Variants in SEMA3F observed in about 807,000 individuals in gnomAD.
SEMA3F encodes semaphorin-3F.
SEMA3F carries 30 observed loss-of-function variants against 98.5 expected under a neutral mutation model. The observed-to-expected ratio is 0.30, with a 90% confidence interval of 0.23 to 0.41. The LOEUF (loss-of-function observed/expected upper bound fraction) is 0.41. SEMA3F is among the 10% of genes least tolerant of loss of function. The pLI is 1.00. For synonymous variants in SEMA3F, 380 were observed against 444.8 expected (o/e 0.85, Z 1.83); for missense variants, 866 against 1,119.3 (o/e 0.77, Z 3.23).
chr3:50,182,413 GC>G lies in SEMA3F; in HGVS notation c.763+14del. 1 of 1,613,170 alleles carries G rather than the reference GC, an allele frequency of 6.2e-7. No homozygotes were observed. Among genetic ancestry groups the G allele is most frequent in the Non-Finnish European group, 8.5e-7 (1 of 1,180,008 alleles). ...TCCCGGTGGCTGAACGGTAAGCGCA[GC>G]CCCAGGAGCCCTTCCGTGGCCATGT... On this transcript the variant is annotated intron_variant, in intron 8 of 18. Transcript: ENST00000002829. This position sits in a 1 kb window ranked among gnomAD's most constrained non-coding sequence, Gnocchi z 4.5.
In SEMA3F at chr3:50,176,796, G is replaced by A. The variant is rs767383718; in HGVS notation, c.578G>A (p.Arg193Gln). The A allele has an allele frequency of 9.9e-6, 16 of 1,613,438 alleles. No individual in the cohort carries two copies. The highest frequency in any genetic ancestry group is 6.7e-5 in the East Asian group (3 of 44,902). Residue 193 changes from arginine (R) to glutamine (Q), a missense_variant, in exon 7 of 19, where the codon CGA becomes CAA. Arg to Gln is a conservative substitution (Grantham distance 43, BLOSUM62 1). Coordinates refer to ENST00000002829, the MANE Select transcript of SEMA3F (RefSeq NM_004186.5). The stretch of plus-strand genomic sequence containing the variant: ...TACATCTTCTACCTGGAGCCTGAGC[G>A]ACTCGAGTCAGGGAAGGGCAAGTGT... ...QDYIFYLEPERLESGKGKCPY... is the reference protein window; with the variant it reads ...QDYIFYLEPEQLESGKGKCPY...
At chr3:50,160,674 G>T (rs1320806748) in intron 2 of SEMA3F, among the ~76,000 whole-genome samples, 2 of 152,204 alleles carry the variant, frequency 1.3e-5, no homozygotes, top group Non-Finnish European at 2.9e-5. Flanking sequence ...CCTGGGTGGG[G>T]TCGACTCAGC....
In SEMA3F at chr3:50,158,344, G is replaced by A. The variant is rs1397238104; in HGVS notation, c.-48-1231G>A. On this transcript the variant is annotated intron_variant, in intron 1 of 18. Transcript: ENST00000002829. The surrounding 1 kb of genome is among the most constrained non-coding windows in gnomAD (Gnocchi z 4.8). ...GTACCGCGTAAGGAGTGGGCCAAGA[G>A]GCTGAAGCTGCACTTCCTGTCTGAG... is the stretch of plus-strand genomic sequence containing the variant. 6.6e-6 allele frequency among the ~76,000 whole-genome samples: 1 copy of A among 152,258 alleles called. No individual in the cohort carries two copies. Among genetic ancestry groups the A allele is most frequent in the African/African-American group, 2.4e-5 (1 of 41,468 alleles).
chr3:50,173,602 A>G (rs1293092114), intron 2 of SEMA3F, among the ~76,000 whole-genome samples, 191 bp from the exon 3 acceptor site: 1 of 152,154 alleles, frequency 6.6e-6, no homozygotes, highest in African/African-American at 2.4e-5. Context: ...CAATCTCGCT[A>G]CTGTACTGCA....
At chr3:50,165,832 G>T (rs755341718) in intron 2 of SEMA3F, among the ~76,000 whole-genome samples, 15 of 152,206 alleles carry the variant, frequency 9.9e-5, no homozygotes, top group Non-Finnish European at 1.9e-4. Context: ...GGCCTCCTGG[G>T]CTCCAGTCCC....
Position 50,158,025 on chromosome 3 carries a change from C to T in SEMA3F, c.-48-1550C>T, listed in dbSNP as rs1323739062. 4.6e-5 allele frequency among the ~76,000 whole-genome samples: 7 copies of T among 152,218 alleles called. No individual in the cohort carries two copies. The highest frequency in any genetic ancestry group is 3.9e-4 in the Admixed American group (6 of 15,284). On this transcript the variant is annotated intron_variant, in intron 1 of 18. Transcript: ENST00000002829. This position sits in a 1 kb window ranked among gnomAD's most constrained non-coding sequence, Gnocchi z 4.8. ...TTGAGCAAACTCATGCTTGTAAGGA[C>T]GTGTGTGGGCCTGCAAGTGTGAACG...
chr3:50,183,671 G>A lies in SEMA3F; in HGVS notation c.1233+107G>A, dbSNP rs138568786. 901 of 1,252,936 alleles carry A rather than the reference G, an allele frequency of 7.2e-4. 11 individuals carry two copies. In the Middle Eastern group the frequency reaches 0.012, roughly 16 times the overall value. 77.6% of individuals were successfully genotyped at this position (1,252,936 alleles called of 1,614,324 possible). On this transcript the variant is annotated intron_variant, in intron 12 of 18. Coordinates refer to ENST00000002829, the MANE Select transcript of SEMA3F (RefSeq NM_004186.5). ...CACCATCATGGCCCTCCCAGCCAGC[G>A]GAGGCGGTGAGCTGTAATGCACACA... is the stretch of plus-strand genomic sequence containing the variant.
chr3:50,176,968 G>C, intron 7 of SEMA3F, 107 bp downstream of exon 7: 7 of 917,848 alleles, frequency 7.6e-6, no homozygotes, highest in Non-Finnish European at 1.2e-5. Context: ...TGACTAGGCT[G>C]TCCCTGAACT....
At chr3:50,181,084 A>G (rs2109107451) in intron 7 of SEMA3F, among the ~76,000 whole-genome samples, 1 of 152,032 alleles carries the variant, frequency 6.6e-6, no homozygotes, top group East Asian at 1.9e-4. Flanking sequence ...AAAAAAAAGA[A>G]GAATTACCAA....
chr3:50,174,007 A>C, intron 3 of SEMA3F, 45 bp from the exon 4 acceptor site: 1 of 1,613,880 alleles, frequency 6.2e-7, no homozygotes, highest in Non-Finnish European at 8.5e-7. Flanking sequence ...CCCAGGGCTC[A>C]GGGCATGTCC....
At chr3:50,173,999 C>T (rs1395139750) in intron 3 of SEMA3F, 46 bp downstream of exon 3, 4 of 1,613,762 alleles carry the variant, frequency 2.5e-6, no homozygotes, top group East Asian at 4.5e-5. Context: ...CACGGAGCCC[C>T]AGGGCTCAGG....
intron 10 of SEMA3F, 56 bp downstream of exon 10, chr3:50,183,074 G>A (rs773175424): frequency 5.0e-5 from 79 of 1,577,634 alleles, no homozygotes; most frequent in Non-Finnish European, 6.2e-5. Flanking sequence ...GGATAGAGGC[G>A]GGATGGGCGA....
chr3:50,165,018 C>T (rs1374101377), intron 2 of SEMA3F, among the ~76,000 whole-genome samples: 1 of 152,186 alleles, frequency 6.6e-6, no homozygotes, highest in Admixed American at 6.5e-5. Context: ...ACTGCCTCAC[C>T]CCTTCCTCCA....
chr3:50,180,188 C>G (rs951211099), intron 7 of SEMA3F, among the ~76,000 whole-genome samples: 1 of 151,754 alleles, frequency 6.6e-6, no homozygotes, highest in Non-Finnish European at 1.5e-5. Context: ...TACACTCTGT[C>G]CCCCAGGCTA....
chr3:50,156,326 A>G lies in SEMA3F; in HGVS notation c.-49+762A>G, dbSNP rs928635565. ...GGAGGGTATCAAAGTTGGCCTAGGAATGAGGCAGTGCTGGCGGGAGTTGGC... is the reference window on the plus strand; with the variant it reads ...GGAGGGTATCAAAGTTGGCCTAGGAGTGAGGCAGTGCTGGCGGGAGTTGGC... On this transcript the variant is annotated intron_variant, in intron 1 of 18. Coordinates refer to ENST00000002829, the MANE Select transcript of SEMA3F (RefSeq NM_004186.5). The surrounding 1 kb of genome is among the most constrained non-coding windows in gnomAD (Gnocchi z 4.5). Among the ~76,000 whole-genome samples the G allele has an allele frequency of 9.2e-5, 14 of 152,222 alleles. No homozygotes were observed. Among genetic ancestry groups the G allele is most frequent in the African/African-American group, 2.7e-4 (11 of 41,460 alleles).
chr3:50,183,847 T>G (rs1199520648), intron 12 of SEMA3F, among the ~76,000 whole-genome samples: 2 of 152,094 alleles, frequency 1.3e-5, no homozygotes, highest in Non-Finnish European at 2.9e-5. Flanking sequence ...GCGTCTTCCC[T>G]GCAGGTGCTG....
rs773705858 is a variant in SEMA3F at position 50,187,873 on chromosome 3, C to G, written c.2116C>G (p.Leu706Val). 1 of 1,612,936 alleles carries G rather than the reference C, an allele frequency of 6.2e-7. No individual in the cohort carries two copies. Among genetic ancestry groups the G allele is most frequent in the South Asian group, 1.1e-5 (1 of 91,050 alleles). The change falls in exon 19 of 19, where the codon CTC becomes GTC. Residue 706 changes from leucine to valine, a missense_variant. By Grantham distance (32) the Leu-to-Val change is conservative. Around this residue, in one of 3 missense-constraint regions of SEMA3F, gnomAD observed 245 missense variants for 260.5 expected, o/e 0.94. Coordinates refer to ENST00000002829, the MANE Select transcript of SEMA3F (RefSeq NM_004186.5). Reference sequence around the variant, plus strand: ...GGGCCGGGACGCCGTCCATGCTGCCCTCTTCCCACCACTGTCCATGAGCGC... The same window carrying G: ...GGGCCGGGACGCCGTCCATGCTGCCGTCTTCCCACCACTGTCCATGAGCGC... ...VLGRDAVHAALFPPLSMSAPP... is the reference protein window; with the variant it reads ...VLGRDAVHAAVFPPLSMSAPP...
chr3:50,172,219 A>T (rs1318180327), intron 2 of SEMA3F, among the ~76,000 whole-genome samples: 1 of 152,172 alleles, frequency 6.6e-6, no homozygotes, highest in African/African-American at 2.4e-5. Flanking sequence ...GTGGTAGGAC[A>T]TGTGTGCGCC....
Position 50,187,994 on chromosome 3 carries a change from G to GCCA in SEMA3F, c.2238_2240dup (p.Cys746_Gln747insHis). The GCCA allele has an allele frequency of 6.2e-7, 1 of 1,606,998 alleles. No individual in the cohort carries two copies. Among genetic ancestry groups the GCCA allele is most frequent in the Non-Finnish European group, 8.5e-7 (1 of 1,177,610 alleles). ...GAAGTGGGCCTCATCCACCAGTACT[G>GCCA]CCAGGGTTACTGGCGCCATGTGCCC... On this transcript the variant is annotated inframe_insertion, in exon 19 of 19. Transcript: ENST00000002829.
Sources: gnomAD v4.1 joint callset for allele counts (sites outside exome capture counted in the v4.1 genomes callset) on GRCh38, gnomAD v4.1.1 for gene constraint, gnomAD v4.1.1 regional missense constraint, Gnocchi (gnomAD v3.1) non-coding constraint, MANE v1.5 for transcripts, NCBI Gene and HGNC (gene_info 2026-07-23, HGNC 2026-07-21) for gene names.